The following CDC25C variants were observed in gnomAD, a reference collection of about 807,000 sequenced individuals.
CDC25C encodes M-phase inducer phosphatase 3.
In CDC25C, 48 loss-of-function variants were observed where a neutral mutation model predicts 52.5. The ratio of observed to expected loss-of-function variants is 0.91; its 90% CI spans 0.72 to 1.16. The LOEUF is 1.16. Among genes scored for constraint, CDC25C ranks in the 50% most tolerant of loss-of-function variants. The probability of loss-of-function intolerance (pLI) is 0.00; values close to 1 mark genes in which losing one functional copy is unlikely to be tolerated. For synonymous variants in CDC25C, 187 were observed against 206.5 expected (o/e 0.91, Z 0.81); for missense variants, 510 against 566.1 (o/e 0.90, Z 1.01).
chr5:138,324,964 G>C (rs1207623896), intron 6 of CDC25C, among the ~76,000 whole-genome samples: 4 of 151,984 alleles, frequency 2.6e-5, no homozygotes, highest in African/African-American at 9.7e-5. Context: ...CAGCTATTTG[G>C]CAGGCTGAGG....
Position 138,329,564 on chromosome 5 carries a change from A to C in CDC25C, c.278T>G (p.Leu93Arg). 6.2e-7 allele frequency: 1 copy of C among 1,604,894 alleles called. No individual in the cohort carries two copies. Among genetic ancestry groups the C allele is most frequent in the Non-Finnish European group, 8.5e-7 (1 of 1,172,094 alleles). Reference protein sequence around the residue: ...TATQLTTSADLDETGHLDSSG... With the variant: ...TATQLTTSADRDETGHLDSSG... ...TCCCTTCTCCCTACCAGTTTCATCA[A>C]GGTCTGCAGAAGTGGTAAGCTGAGT... Residue 93 changes from leucine (L) to arginine (R), a missense_variant, in exon 3 of 14, where the codon CTT (leucine) becomes CGT (arginine). By Grantham distance (102) the Leu-to-Arg change is moderately radical. Transcript: ENST00000323760.
chr5:138,323,088 C>G (rs539603120), intron 6 of CDC25C, among the ~76,000 whole-genome samples: 6 of 151,576 alleles, frequency 4.0e-5, no homozygotes, highest in African/African-American at 1.5e-4. Context: ...GGTGCCACCA[C>G]GCCTGGCTAA....
chr5:138,309,652 T>C (rs1216820332), intron 7 of CDC25C, among the ~76,000 whole-genome samples: 1 of 151,416 alleles, frequency 6.6e-6, no homozygotes, highest in Non-Finnish European at 1.5e-5. Flanking sequence ...TCTATTATTA[T>C]ACTATCAAGA....
chr5:138,287,294 C>A, intron 10 of CDC25C, 27 bp from the exon 11 acceptor site: 1 of 1,500,668 alleles, frequency 6.7e-7, no homozygotes, highest in East Asian at 2.3e-5. Context: ...ACTGAATATT[C>A]TGCTCACTGC....
chr5:138,322,466 ATT>A (rs71585117), intron 6 of CDC25C, among the ~76,000 whole-genome samples: 10 of 67,940 alleles, frequency 1.5e-4, no homozygotes, highest in Admixed American at 4.0e-4. Context: ...CGCCCGGCTA[ATT>A]TTTTTTTTTT....
intron 1 of CDC25C, 47 bp downstream of exon 1, chr5:138,331,548 A>T: frequency 1.9e-6 from 2 of 1,072,944 alleles, no homozygotes; most frequent in Non-Finnish European, 2.3e-6. Context: ...CCTAAGGGGG[A>T]CAATGGGGTC....
Position 138,337,975 on chromosome 5 carries a change from C to T in CDC25C, c.-7G>A, listed in dbSNP as rs758350013. ...GTTTACCTTCTTCCGACATGGCCTC[C>T]CCCGCGGGTTTCAAGATGTGCCTCC... On this transcript the variant is annotated 5_prime_UTR_variant, in exon 1 of 6. Transcript: ENST00000510119. The T allele has an allele frequency of 5.4e-6, 7 of 1,289,696 alleles. No homozygotes were observed. In the Admixed American group the frequency reaches 9.2e-5, roughly 17 times the overall value. 79.9% of individuals were successfully genotyped at this position (1,289,696 alleles called of 1,614,324 possible). A position where few individuals can be genotyped will look rare whatever the true frequency, so the allele number is the denominator to read the frequency against.
At chr5:138,322,003 ATTT>A (rs1340535761) in intron 6 of CDC25C, among the ~76,000 whole-genome samples, 1 of 151,608 alleles carries the variant, frequency 6.6e-6, no homozygotes, top group Non-Finnish European at 1.5e-5. Context: ...TATTATTATT[ATTT>A]TATTTTATTT....
At position 138,319,350 on chromosome 5, in the gene CDC25C, C is replaced by A. The variant is rs1397263767; in HGVS notation, c.484G>T (p.Glu162Ter). Residue 162 changes from glutamate (E) to a stop codon, truncating the protein, a stop_gained, in exon 7 of 14, where the codon GAA (glutamate) becomes TAA (stop). Transcript: ENST00000323760. LOFTEE classifies it high-confidence loss of function. The stretch of plus-strand genomic sequence containing the variant: ...ATGGGACTGCCCAAATATTTCATTT[C>A]ACTGTCCACCAAGTTTCCATTGTCC... ...ENDNGNLVDS[E>*]MKYLGSPITT... 6.2e-7 allele frequency: 1 copy of A among 1,612,992 alleles called. No homozygotes were observed. Among genetic ancestry groups the A allele is most frequent in the East Asian group, 2.2e-5 (1 of 44,834 alleles).
intron 6 of CDC25C, among the ~76,000 whole-genome samples, chr5:138,321,471 T>A (rs1431521202): frequency 1.3e-5 from 2 of 151,828 alleles, no homozygotes; most frequent in Admixed American, 1.3e-4. Flanking sequence ...ATCAACTTAG[T>A]GGCCAGGCGC....
At chr5:138,322,690 TG>T (rs1430673358) in intron 6 of CDC25C, among the ~76,000 whole-genome samples, 1 of 151,432 alleles carries the variant, frequency 6.6e-6, no homozygotes, top group African/African-American at 2.4e-5. Flanking sequence ...TTAGCCAGAA[TG>T]GTCTCGATCT....
At chr5:138,312,135 T>C (rs1412415773) in intron 7 of CDC25C, among the ~76,000 whole-genome samples, 1 of 152,172 alleles carries the variant, frequency 6.6e-6, no homozygotes, top group African/African-American at 2.4e-5. Flanking sequence ...GAAAACAGTA[T>C]GAGAGTTCCT....
At chr5:138,328,239 A>G (rs1277662276) in intron 4 of CDC25C, among the ~76,000 whole-genome samples, 3 of 152,230 alleles carry the variant, frequency 2.0e-5, no homozygotes, top group Non-Finnish European at 4.4e-5. Flanking sequence ...AGTGTAGTAT[A>G]CCATTTTCCT....
At chr5:138,333,244 G>A (rs11567949), upstream of CDC25C, among the ~76,000 whole-genome samples, 1 of 152,056 alleles carries the variant, frequency 6.6e-6, no homozygotes, top group African/African-American at 2.4e-5. Context: ...ACGATAATTC[G>A]ATAGGTCTAA....
At chr5:138,337,821 A>T in intron 1 of CDC25C, 1 of 477,652 alleles carries the variant, frequency 2.1e-6, no homozygotes, top group Non-Finnish European at 3.5e-6. Flanking sequence ...TCCTTCGAAG[A>T]GGTGGTCGTG....
chr5:138,301,600 T>C (rs1015251302), intron 7 of CDC25C, among the ~76,000 whole-genome samples: 2 of 150,742 alleles, frequency 1.3e-5, no homozygotes, highest in Admixed American at 6.6e-5. Flanking sequence ...CATTTCATGA[T>C]GCTAGCATTA....
intron 10 of CDC25C, among the ~76,000 whole-genome samples, chr5:138,288,220 C>T (rs1051427548): frequency 2.6e-5 from 4 of 152,058 alleles, no homozygotes; most frequent in African/African-American, 9.6e-5. Context: ...GGATTACAGG[C>T]ATGCGCTACC....
At chr5:138,338,088 GC>G in exon 1 of CDC25C, 1 of 1,289,780 alleles carries the variant, frequency 7.8e-7, no homozygotes, top group Non-Finnish European at 1.0e-6. Context: ...AAAGCGCCAG[GC>G]TCGTTCCCAA....
chr5:138,306,444 T>C (rs1758004323), intron 7 of CDC25C, among the ~76,000 whole-genome samples: 1 of 152,076 alleles, frequency 6.6e-6, no homozygotes, highest in African/African-American at 2.4e-5. Flanking sequence ...CACTGCTTTA[T>C]ACAAGTATCT....
Sources: allele counts gnomAD v4.1 joint callset (sites outside exome capture counted in the v4.1 genomes callset), GRCh38; gene constraint gnomAD v4.1.1; transcripts MANE v1.5; gene names NCBI Gene and HGNC (gene_info 2026-07-23, HGNC 2026-07-21).